Variants in SHB observed in about 807,000 individuals in gnomAD.
The protein encoded by SHB is SH2 domain-containing adapter protein B.
In SHB, 20 loss-of-function variants were observed where a neutral mutation model predicts 52.3. That is an observed-to-expected ratio of 0.38 (90% CI 0.27 to 0.56). SHB has a LOEUF of 0.56. Among genes scored for constraint, SHB ranks in the 20% least tolerant of loss-of-function variants. The pLI is 0.71. For synonymous variants in SHB, 397 were observed against 316.5 expected (o/e 1.25, Z -2.70); for missense variants, 825 against 723.3 (o/e 1.14, Z -1.61).
intron 5 of SHB, among the ~76,000 whole-genome samples, chr9:37,927,434 C>T (rs984878293): frequency 2.0e-5 from 3 of 152,310 alleles, no homozygotes; most frequent in Middle Eastern, 3.4e-3. Context: ...GCATCAGCAG[C>T]GATTAGCCTA....
At chr9:38,018,804 G>A (rs1821248636) in intron 1 of SHB, among the ~76,000 whole-genome samples, 3 of 152,230 alleles carry the variant, frequency 2.0e-5, no homozygotes, top group Admixed American at 1.3e-4. Context: ...ACTGGGCAGT[G>A]TGACCACTGT....
intron 1 of SHB, among the ~76,000 whole-genome samples, chr9:38,040,862 T>C (rs936863142): frequency 5.4e-5 from 8 of 149,196 alleles, no homozygotes; most frequent in Non-Finnish European, 4.4e-5. Flanking sequence ...GGAGCAGAGG[T>C]GTGATGTGCA....
chr9:37,976,030 CTTT>C (rs1820649111), intron 2 of SHB, among the ~76,000 whole-genome samples: 1 of 151,726 alleles, frequency 6.6e-6, no homozygotes, highest in African/African-American at 2.4e-5. Context: ...ACATTGAGCA[CTTT>C]TTTATTTTAT....
In SHB at chr9:38,068,047, AG is replaced by A; in HGVS notation, c.598del (p.Leu200TrpfsTer41). 1.3e-6 allele frequency: 2 copies of A among 1,502,700 alleles called. No individual in the cohort carries two copies. The highest frequency in any genetic ancestry group is 2.7e-5 in the East Asian group (1 of 37,630). 93.1% of individuals were successfully genotyped at this position (1,502,700 alleles called of 1,614,324 possible). A position where few individuals can be genotyped will look rare whatever the true frequency, so the allele number is the denominator to read the frequency against. Reference sequence around the variant, plus strand: ...GCGGCCGCCCGCGCAGGCGCCCCCCAGGGGGTCCCCGGCCCCACCGCCCGCG... The same window carrying A: ...GCGGCCGCCCGCGCAGGCGCCCCCCAGGGGTCCCCGGCCCCACCGCCCGCG... ...SAAGGGAGDP[L>X]GGACAGGRTW... On this transcript the variant is annotated frameshift_variant, in exon 1 of 6. Coordinates refer to ENST00000377707, the MANE Select transcript of SHB (RefSeq NM_003028.3). LOFTEE classifies it high-confidence loss of function.
intron 2 of SHB, among the ~76,000 whole-genome samples, chr9:37,999,728 C>T (rs1208961778): frequency 1.3e-5 from 2 of 152,172 alleles, no homozygotes; most frequent in Non-Finnish European, 2.9e-5. Flanking sequence ...GTGCATCCAG[C>T]GTGTCTTTGT....
At chr9:38,048,574 C>T (rs1190532727) in intron 1 of SHB, among the ~76,000 whole-genome samples, 4 of 152,136 alleles carry the variant, frequency 2.6e-5, no homozygotes, top group African/African-American at 7.2e-5. Flanking sequence ...GTGGAGGTTG[C>T]TGTGAGCTAT....
At chr9:37,967,865 G>C (rs575814394) in intron 3 of SHB, among the ~76,000 whole-genome samples, 5 of 152,226 alleles carry the variant, frequency 3.3e-5, no homozygotes, top group African/African-American at 1.2e-4. Flanking sequence ...GGCGCGGATC[G>C]GAGGAAGGCC....
At chr9:37,963,802 A>G (rs1832719719) in intron 3 of SHB, among the ~76,000 whole-genome samples, 1 of 152,212 alleles carries the variant, frequency 6.6e-6, no homozygotes, top group African/African-American at 2.4e-5. Flanking sequence ...TTTCACAACA[A>G]TGCACTAACA....
At chr9:37,956,250 T>C (rs1832631170) in intron 3 of SHB, among the ~76,000 whole-genome samples, 196 bp from the exon 4 acceptor site, 1 of 152,128 alleles carries the variant, frequency 6.6e-6, no homozygotes, top group Admixed American at 6.5e-5. Flanking sequence ...CACAGCCCAA[T>C]GGTGCGTGTG....
At chr9:38,065,129 G>T (rs1428572870) in intron 1 of SHB, among the ~76,000 whole-genome samples, 1 of 152,184 alleles carries the variant, frequency 6.6e-6, no homozygotes, top group African/African-American at 2.4e-5. Flanking sequence ...TAAATGAGGT[G>T]CCAGAAGTGG....
rs559487070 is a variant in SHB, at chr9:38,007,233, G to C, written c.838+8778C>G. Among the ~76,000 whole-genome samples, 17 of 152,330 alleles carry C rather than the reference G, an allele frequency of 1.1e-4. No individual in the cohort carries two copies. The South Asian group carries it at 2.9e-3, about 26-fold the overall frequency. ...AGCAAGTCACAGCAGAATGGGAGAGGCTGCTTATAGTGAGTATTTGTTTGT... is the reference window on the plus strand; with the variant it reads ...AGCAAGTCACAGCAGAATGGGAGAGCCTGCTTATAGTGAGTATTTGTTTGT... On this transcript the variant is annotated intron_variant, in intron 2 of 5. Transcript: ENST00000377707.
intron 1 of SHB, among the ~76,000 whole-genome samples, chr9:38,039,809 G>A (rs1005539809): frequency 6.6e-6 from 1 of 152,256 alleles, no homozygotes; most frequent in Non-Finnish European, 1.5e-5. Flanking sequence ...GGCTGGTCCA[G>A]TAGGCCACAG....
intron 4 of SHB, among the ~76,000 whole-genome samples, chr9:37,949,658 CTGTT>C (rs1320511402): frequency 2.0e-5 from 3 of 152,186 alleles, no homozygotes; most frequent in African/African-American, 7.2e-5. Flanking sequence ...GGGCTTTTCT[CTGTT>C]TGAGCAACAT....
chr9:37,929,127 C>G (rs544329655), intron 5 of SHB, among the ~76,000 whole-genome samples: 154 of 152,318 alleles, frequency 1.0e-3, no homozygotes, highest in Non-Finnish European at 1.6e-3. Flanking sequence ...GAGTCCCTGC[C>G]CTGAACTGTG....
At chr9:37,973,660 G>A (rs1283667032) in intron 3 of SHB, among the ~76,000 whole-genome samples, 1 of 152,240 alleles carries the variant, frequency 6.6e-6, no homozygotes, top group South Asian at 2.1e-4. Flanking sequence ...AGGAGTTCTA[G>A]AATTGTGACA....
At chr9:38,021,535 G>A (rs942219128) in intron 1 of SHB, among the ~76,000 whole-genome samples, 1 of 152,060 alleles carries the variant, frequency 6.6e-6, no homozygotes, top group Non-Finnish European at 1.5e-5. Context: ...GGGCGTGGTG[G>A]TGCATGCCTG....
chr9:38,018,480 T>C (rs1821244568), intron 1 of SHB, among the ~76,000 whole-genome samples: 1 of 150,066 alleles, frequency 6.7e-6, no homozygotes, highest in African/African-American at 2.4e-5. Context: ...CAGTTATACC[T>C]GCTGACAGTT....
At chr9:38,041,855 C>T (rs1281727515) in intron 1 of SHB, among the ~76,000 whole-genome samples, 2 of 152,298 alleles carry the variant, frequency 1.3e-5, no homozygotes, top group African/African-American at 4.8e-5. Flanking sequence ...AAAACGCAGC[C>T]GAAGTCGGCT....
At chr9:37,957,156 C>A (rs921820526) in intron 3 of SHB, among the ~76,000 whole-genome samples, 1 of 152,186 alleles carries the variant, frequency 6.6e-6, no homozygotes, top group African/African-American at 2.4e-5. Flanking sequence ...GAGGCCAGAG[C>A]CTGCAGAGGA....
Sources: gnomAD v4.1 joint callset for allele counts (sites outside exome capture counted in the v4.1 genomes callset) on GRCh38, gnomAD v4.1.1 for gene constraint, MANE v1.5 for transcripts, NCBI Gene and HGNC (gene_info 2026-07-23, HGNC 2026-07-21) for gene names.